COASY: variants seen among roughly 807,000 people sequenced by gnomAD.
The protein encoded by COASY is Coenzyme A synthase, also known as bifunctional coenzyme A synthase.
COASY carries 31 observed loss-of-function variants against 49.4 expected under a neutral mutation model. The ratio of observed to expected loss-of-function variants is 0.63; its 90% CI spans 0.47 to 0.85. The LOEUF (loss-of-function observed/expected upper bound fraction) is 0.85, where lower values mean the gene tolerates loss of function less well. Among genes scored for constraint, COASY ranks in the 40% least tolerant of loss-of-function variants. The pLI, the probability that COASY is intolerant of heterozygous loss-of-function variation, is 0.00. For synonymous variants in COASY, 285 were observed against 310.9 expected, an observed-to-expected ratio of 0.92 and a Z score of 0.88; for missense variants, 730 against 734.1, an observed-to-expected ratio of 0.99 and a Z score of 0.06.
Position 42,566,118 on chromosome 17 carries a change from G to A in COASY, c.*150G>A, listed in dbSNP as rs879836051. On this transcript the variant is annotated 3_prime_UTR_variant, in exon 9 of 9. Coordinates refer to ENST00000393818, the MANE Select transcript of COASY (RefSeq NM_025233.7). The stretch of plus-strand genomic sequence containing the variant: ...TGGCCAGGCCTGGTGGACACAGGAA[G>A]CCTACCCAACACGCTGGTATTTGGC... 2 of 778,082 alleles carry A rather than the reference G, an allele frequency of 2.6e-6. 1 individual carries two copies. The highest frequency in any genetic ancestry group is 4.2e-6 in the Non-Finnish European group (2 of 475,438). The allele number at this position is 778,082 out of a possible 1,614,324, so 48.2% of individuals were successfully genotyped here. A position where few individuals can be genotyped will look rare whatever the true frequency, so the allele number is the denominator to read the frequency against.
intron 1 of COASY, chr17:42,563,540 G>A (rs2092988083): frequency 3.5e-6 from 2 of 569,876 alleles, no homozygotes; most frequent in Non-Finnish European, 6.2e-6. Context: ...TACCCCAAAT[G>A]TGAAGCAAAG....
Position 42,562,467 on chromosome 17 carries a change from CCCCT to C in COASY, c.-152_-149del. The C allele has an allele frequency of 6.2e-7, 1 of 1,613,868 alleles. No individual in the cohort carries two copies. The highest frequency in any genetic ancestry group is 1.3e-5 in the African/African-American group (1 of 75,056). On this transcript the variant is annotated 5_prime_UTR_variant, in exon 1 of 9. The change abolishes the stop of an existing upstream ORF in the 5' untranslated region. Coordinates refer to ENST00000393818, the MANE Select transcript of COASY (RefSeq NM_025233.7). ...CGAGGCGCCGTCTACCAGGCCCCGT[CCCCT>C]CCCCCGGCTCCTGTCGGTCAGCACT...
chr17:42,562,588 C>T lies in COASY; in HGVS notation c.-35C>T, dbSNP rs1317377507. ...GCCGCAGGCCCTTCAGTCACCGTCG[C>T]CTCGTCTCCCTGACTGTCCGCAGGC... On this transcript the variant is annotated 5_prime_UTR_variant, in exon 1 of 9. Coordinates refer to ENST00000393818, the MANE Select transcript of COASY (RefSeq NM_025233.7). The T allele has an allele frequency of 1.9e-6, 3 of 1,545,652 alleles. No homozygotes were observed. The highest frequency in any genetic ancestry group is 2.6e-6 in the Non-Finnish European group (3 of 1,149,800).
intron 2 of COASY, 29 bp downstream of exon 2, chr17:42,564,204 A>G: frequency 6.2e-7 from 1 of 1,606,398 alleles, no homozygotes; most frequent in Non-Finnish European, 8.5e-7. Flanking sequence ...TGGCAGAGGG[A>G]GTGGATGGGG....
In COASY at chr17:42,562,544, C is replaced by T; in HGVS notation, c.-79C>T. The T allele has an allele frequency of 1.3e-6, 2 of 1,599,906 alleles. No homozygotes were observed. The highest frequency in any genetic ancestry group is 2.2e-5 in the South Asian group (2 of 90,292). ...CCTCCTTCTCTGGGGTCCAAGGTCCCATACAGGCCTCTGCCTCGGCCGCAG... is the reference window on the plus strand; with the variant it reads ...CCTCCTTCTCTGGGGTCCAAGGTCCTATACAGGCCTCTGCCTCGGCCGCAG... On this transcript the variant is annotated 5_prime_UTR_variant, in exon 1 of 9. Transcript: ENST00000393818.
Position 42,565,945 on chromosome 17 carries a change from A to G in COASY, c.1672A>G (p.Lys558Glu). Residue 558 changes from lysine to glutamate, a missense_variant, in exon 9 of 9, where the codon AAG (lysine) becomes GAG (glutamate). By Grantham distance (56) the Lys-to-Glu change is moderately conservative. Coordinates refer to ENST00000393818, the MANE Select transcript of COASY (RefSeq NM_025233.7). ...GGCCCTCTTGCAGAAGCGCATTCCC[A>G]AGACTCATCAGGCCCTCGACTGAAA... ...AWALLQKRIP[K>E]THQALD is the part of the protein sequence containing the mutation. 1.2e-6 allele frequency: 2 copies of G among 1,613,838 alleles called. No homozygotes were observed. Among genetic ancestry groups the G allele is most frequent in the South Asian group, 1.1e-5 (1 of 91,086 alleles).
At chr17:42,565,445 T>C (rs1307980593) in intron 6 of COASY, 26 bp from the exon 7 acceptor site, 5 of 1,613,606 alleles carry the variant, frequency 3.1e-6, no homozygotes, top group Non-Finnish European at 4.2e-6. Context: ...TCGGCACTGC[T>C]GGCGGTGACT....
intron 1 of COASY, chr17:42,563,589 T>TA: frequency 1.9e-6 from 1 of 530,422 alleles, no homozygotes; most frequent in Non-Finnish European, 3.3e-6. Context: ...TGATACACCC[T>TA]AATGAGACAC....
chr17:42,565,996 C>T lies in COASY; in HGVS notation c.*28C>T, dbSNP rs200084076. 1 of 1,612,802 alleles carries T rather than the reference C, an allele frequency of 6.2e-7. No homozygotes were observed. Among genetic ancestry groups the T allele is most frequent in the East Asian group, 2.2e-5 (1 of 44,878 alleles). On this transcript the variant is annotated 3_prime_UTR_variant, in exon 9 of 9. Coordinates refer to ENST00000393818, the MANE Select transcript of COASY (RefSeq NM_025233.7). ...AGTTCTCAGTGGGGCCAGACTGGCT[C>T]CTGGAGCTGACAAGCGACCCCGTGG...
Position 42,562,306 on chromosome 17 carries a change from G to C in COASY, c.-317G>C, listed in dbSNP as rs2092978498. On this transcript the variant is annotated 5_prime_UTR_variant, in exon 1 of 9. Coordinates refer to ENST00000393818, the MANE Select transcript of COASY (RefSeq NM_025233.7). ...AAGACCCTGGTGCAGCTTAGCAAGA[G>C]GGCCCAGGATTTTTGGATCCCCAGC... The C allele has an allele frequency of 9.9e-7, 1 of 1,014,836 alleles. No homozygotes were observed. Among genetic ancestry groups the C allele is most frequent in the African/African-American group, 1.6e-5 (1 of 62,554 alleles). The allele number at this position is 1,014,836 out of a possible 1,614,324, so 62.9% of individuals were successfully genotyped here.
rs980857213 is a variant in COASY, at chr17:42,562,204, A to C, written c.-419A>C. 8.4e-6 allele frequency: 4 copies of C among 476,122 alleles called. No individual in the cohort carries two copies. The highest frequency in any genetic ancestry group is 8.0e-5 in the African/African-American group (4 of 49,722). 29.5% of individuals were successfully genotyped at this position (476,122 alleles called of 1,614,324 possible). A position where few individuals can be genotyped will look rare whatever the true frequency, so the allele number is the denominator to read the frequency against. On this transcript the variant is annotated 5_prime_UTR_variant, in exon 1 of 9. Transcript: ENST00000393818. ...CTCCGCGGTGGTGCAAGTGGAACCC[A>C]AGCCTTGAGGTTTCAGTGAGTAGGG...
In COASY at chr17:42,564,965, T is replaced by A. The variant is rs753558798; in HGVS notation, c.1238-18T>A. 6.2e-7 allele frequency: 1 copy of A among 1,614,152 alleles called. No individual in the cohort carries two copies. The highest frequency in any genetic ancestry group is 8.5e-7 in the Non-Finnish European group (1 of 1,179,986). On this transcript the variant is annotated intron_variant, in intron 4 of 8. Coordinates refer to ENST00000393818, the MANE Select transcript of COASY (RefSeq NM_025233.7). ...CTAGCCAGGCCTCTGTGCTCAGTTG[T>A]CTGTCTGTGTTGTCCAGATATTCTC... is the stretch of plus-strand genomic sequence containing the variant.
intron 2 of COASY, 34 bp from the exon 3 acceptor site, chr17:42,564,412 C>T (rs1219042009): frequency 1.9e-6 from 3 of 1,613,660 alleles, no homozygotes; most frequent in Non-Finnish European, 2.5e-6. Flanking sequence ...TCACTCCCTC[C>T]TTCCCTCTTT....
chr17:42,562,206 G>T lies in COASY; in HGVS notation c.-417G>T, dbSNP rs925374023. On this transcript the variant is annotated 5_prime_UTR_variant, in exon 1 of 9. Transcript: ENST00000393818. ...CCGCGGTGGTGCAAGTGGAACCCAAGCCTTGAGGTTTCAGTGAGTAGGGGG... is the reference window on the plus strand; with the variant it reads ...CCGCGGTGGTGCAAGTGGAACCCAATCCTTGAGGTTTCAGTGAGTAGGGGG... 2.7e-5 allele frequency: 13 copies of T among 488,410 alleles called. No homozygotes were observed. The highest frequency in any genetic ancestry group is 2.4e-4 in the African/African-American group (12 of 49,974). 30.3% of individuals were successfully genotyped at this position (488,410 alleles called of 1,614,324 possible).
chr17:42,562,289 G>C lies in COASY; in HGVS notation c.-334G>C. ...CCCTCTTCGATTCCTTGAAGACCCT[G>C]GTGCAGCTTAGCAAGAGGGCCCAGG... On this transcript the variant is annotated 5_prime_UTR_variant, in exon 1 of 9. Transcript: ENST00000393818. 1 of 831,126 alleles carries C rather than the reference G, an allele frequency of 1.2e-6. No homozygotes were observed. Among genetic ancestry groups the C allele is most frequent in the Non-Finnish European group, 2.0e-6 (1 of 505,326 alleles). 51.5% of individuals were successfully genotyped at this position (831,126 alleles called of 1,614,324 possible).
In COASY at chr17:42,565,652, T is replaced by G. The variant is rs773556974; in HGVS notation, c.1486-7T>G. 3 of 1,614,154 alleles carry G rather than the reference T, an allele frequency of 1.9e-6. No homozygotes were observed. Among genetic ancestry groups the G allele is most frequent in the Non-Finnish European group, 2.5e-6 (3 of 1,180,012 alleles). On this transcript the variant is annotated splice_polypyrimidine_tract_variant and splice_region_variant and intron_variant, in intron 7 of 8. Transcript: ENST00000393818. ...TTCTTCCTGACAAATGTCTCGTCTGTGCTCAGGCTGTAAGACGCATTGTGG... is the reference window on the plus strand; with the variant it reads ...TTCTTCCTGACAAATGTCTCGTCTGGGCTCAGGCTGTAAGACGCATTGTGG...
intron 5 of COASY, 73 bp from the exon 6 acceptor site, chr17:42,565,154 C>T: frequency 6.3e-7 from 1 of 1,590,788 alleles, no homozygotes; most frequent in South Asian, 1.1e-5. Flanking sequence ...TTGATCTGTT[C>T]CCAACACCAC....
chr17:42,563,316 T>C lies in COASY; in HGVS notation c.694T>C (p.Leu232=). The change falls in exon 1 of 9, where the codon TTG becomes CTG. Residue 232 remains leucine (L), a synonymous_variant. Coordinates refer to ENST00000393818, the MANE Select transcript of COASY (RefSeq NM_025233.7). ...GGTGGGAGTAGCAGACAAAGATCTG[T>C]TGAAGAGTGAGTAAGAGGGACCCTG... The part of the protein sequence containing the change: ...LVVGVADKDL[L]KSKLLPELLQ... The C allele has an allele frequency of 6.3e-7, 1 of 1,588,108 alleles. No homozygotes were observed. Among genetic ancestry groups the C allele is most frequent in the Non-Finnish European group, 8.6e-7 (1 of 1,168,908 alleles).
chr17:42,563,526 A>G (rs2092988014), intron 1 of COASY: 2 of 588,816 alleles, frequency 3.4e-6, no homozygotes, highest in Non-Finnish European at 5.9e-6. Context: ...CCACTCAATC[A>G]GAATACCCCA....
Sources: allele counts gnomAD v4.1 joint callset, GRCh38; gene constraint gnomAD v4.1.1; transcripts MANE v1.5; gene names NCBI Gene and HGNC (gene_info 2026-07-23, HGNC 2026-07-21).